CNTN5: variants seen among roughly 807,000 people sequenced by gnomAD.
CNTN5 encodes contactin 5.
In CNTN5, 77 loss-of-function variants were observed where a neutral mutation model predicts 129.1. The ratio of observed to expected loss-of-function variants is 0.60; its 90% confidence interval spans 0.50 to 0.72. The LOEUF (loss-of-function observed/expected upper bound fraction) is 0.72. Ranked by LOEUF, CNTN5 falls within the 30% of genes least tolerant of loss-of-function variation. CNTN5 has a pLI of 0.00. For synonymous variants in CNTN5, 509 were observed against 465.6 expected (o/e 1.09, Z -1.20); for missense variants, 1,478 against 1,328.8 (o/e 1.11, Z -1.75).
At chr11:99,127,944 A>C (rs1174302207) in intron 1 of CNTN5, among the ~76,000 whole-genome samples, 1 of 152,190 alleles carries the variant, frequency 6.6e-6, no homozygotes, top group African/African-American at 2.4e-5. Context: ...TACTGGGCTT[A>C]GAAGGTGTTA....
chr11:99,045,431 C>T (rs1365758174), intron 1 of CNTN5, among the ~76,000 whole-genome samples: 2 of 152,178 alleles, frequency 1.3e-5, no homozygotes, highest in Non-Finnish European at 2.9e-5. Flanking sequence ...AAATGAGCAT[C>T]TACGAAAGCA....
intron 16 of CNTN5, among the ~76,000 whole-genome samples, chr11:100,225,924 C>A (rs1053617829): frequency 1.3e-5 from 2 of 152,004 alleles, no homozygotes; most frequent in Non-Finnish European, 2.9e-5. Context: ...ATATATATCA[C>A]CGAATGTATA....
chr11:100,317,736 ATAGT>A (rs1951597444), intron 21 of CNTN5, among the ~76,000 whole-genome samples: 1 of 152,210 alleles, frequency 6.6e-6, no homozygotes, highest in African/African-American at 2.4e-5. Flanking sequence ...TTTATCAAAA[ATAGT>A]TACTCACTTT....
At chr11:99,206,332 A>G (rs1178609872) in intron 1 of CNTN5, among the ~76,000 whole-genome samples, 2 of 151,974 alleles carry the variant, frequency 1.3e-5, no homozygotes, top group South Asian at 4.1e-4. Context: ...CTGTGAGGCA[A>G]CCCCCACAAC....
chr11:100,071,878 T>C, intron 12 of CNTN5, 44 bp downstream of exon 12: 1 of 1,506,750 alleles, frequency 6.6e-7, no homozygotes, highest in Non-Finnish European at 8.9e-7. Flanking sequence ...AAAACCTTGC[T>C]TCTTTTCATG....
chr11:99,579,260 G>A (rs569937394), intron 3 of CNTN5, among the ~76,000 whole-genome samples: 2 of 151,730 alleles, frequency 1.3e-5, no homozygotes, highest in Admixed American at 6.5e-5. Context: ...AAGTCAGGTA[G>A]CGTGATGCCT....
intron 1 of CNTN5, among the ~76,000 whole-genome samples, chr11:99,319,134 G>T (rs1490949050): frequency 6.6e-6 from 1 of 152,116 alleles, no homozygotes; most frequent in Non-Finnish European, 1.5e-5. Flanking sequence ...AGTAGCACTG[G>T]GTTGAAGCTT....
chr11:99,516,062 A>G (rs1834975290), intron 2 of CNTN5, among the ~76,000 whole-genome samples: 1 of 151,946 alleles, frequency 6.6e-6, no homozygotes, highest in Non-Finnish European at 1.5e-5. Flanking sequence ...ACATATGATT[A>G]TGTTATGAAT....
chr11:100,257,904 T>C (rs1422416589), intron 17 of CNTN5, among the ~76,000 whole-genome samples: 1 of 152,028 alleles, frequency 6.6e-6, no homozygotes, highest in Non-Finnish European at 1.5e-5. Flanking sequence ...TCACAACTCC[T>C]CGCCAGCAAG....
chr11:99,731,606 GAA>G (rs1461705969), intron 3 of CNTN5, among the ~76,000 whole-genome samples: 1 of 152,158 alleles, frequency 6.6e-6, no homozygotes, highest in Non-Finnish European at 1.5e-5. Flanking sequence ...AGAGTTGACT[GAA>G]GTTGTTTTTA....
chr11:99,650,170 T>A (rs1037772250), intron 3 of CNTN5, among the ~76,000 whole-genome samples: 1 of 151,936 alleles, frequency 6.6e-6, no homozygotes, highest in Non-Finnish European at 1.5e-5. Context: ...AATCTTAATA[T>A]TACAGAGTCA....
At chr11:99,935,612 A>G (rs748026896) in intron 7 of CNTN5, among the ~76,000 whole-genome samples, 37 of 152,162 alleles carry the variant, frequency 2.4e-4, no homozygotes, top group African/African-American at 6.3e-4. Context: ...TATATATTAT[A>G]TACATATATG....
chr11:99,246,638 G>A (rs1328705731), intron 1 of CNTN5, among the ~76,000 whole-genome samples: 1 of 152,114 alleles, frequency 6.6e-6, no homozygotes, highest in Non-Finnish European at 1.5e-5. Flanking sequence ...AAACTCGAGT[G>A]TGAAATCACT....
intron 3 of CNTN5, among the ~76,000 whole-genome samples, chr11:99,578,929 C>T (rs187105532): frequency 6.6e-6 from 1 of 152,116 alleles, no homozygotes; most frequent in Admixed American, 6.5e-5. Context: ...AATGGTATTG[C>T]CTAGGTTTTC....
chr11:100,283,327 T>C (rs1445132028), intron 18 of CNTN5, among the ~76,000 whole-genome samples: 2 of 152,142 alleles, frequency 1.3e-5, no homozygotes, highest in African/African-American at 4.8e-5. Context: ...TCCCCACTCT[T>C]CCTCCTTCTC....
chr11:99,107,480 A>AAT (rs1867052556), intron 1 of CNTN5, among the ~76,000 whole-genome samples: 1 of 152,162 alleles, frequency 6.6e-6, no homozygotes, highest in South Asian at 2.1e-4. Flanking sequence ...GTAGTTAATA[A>AAT]ATAATTATGC....
chr11:100,029,118 G>A (rs962193047), intron 9 of CNTN5, among the ~76,000 whole-genome samples: 13 of 151,544 alleles, frequency 8.6e-5, no homozygotes, highest in Middle Eastern at 3.4e-3. Flanking sequence ...CTGCCTTAAC[G>A]GCTGTTGGAA....
chr11:100,320,021 G>C (rs1278923592), intron 21 of CNTN5, among the ~76,000 whole-genome samples: 1 of 152,158 alleles, frequency 6.6e-6, no homozygotes, highest in East Asian at 1.9e-4. Context: ...ATGAACATGA[G>C]AGTGCAGATG....
At chr11:100,331,397 T>C (rs1022112522) in intron 21 of CNTN5, among the ~76,000 whole-genome samples, 19 of 152,124 alleles carry the variant, frequency 1.2e-4, no homozygotes, top group Admixed American at 4.6e-4. Context: ...GATACTTTAA[T>C]ACTCCACTGA....
Sources: gnomAD v4.1 joint callset for allele counts (sites outside exome capture counted in the v4.1 genomes callset) on GRCh38, gnomAD v4.1.1 for gene constraint, MANE v1.5 for transcripts, NCBI Gene and HGNC (gene_info 2026-07-23, HGNC 2026-07-21) for gene names.